Variants in LRP1B observed in about 807,000 individuals in gnomAD.
The protein encoded by LRP1B is LDL receptor related protein 1B.
A neutral mutation model predicts 556.6 loss-of-function variants in LRP1B; 217 were observed. The observed-to-expected ratio is 0.39, with a 90% CI of 0.35 to 0.44. The LOEUF is 0.44. LRP1B is among the 20% of genes least tolerant of loss of function. The pLI, the probability that LRP1B is intolerant of heterozygous loss-of-function variation, is 1.00. For missense variants in LRP1B, 5,053 were observed against 5,620.8 expected (o/e 0.90, Z 3.23); for synonymous variants, 2,047 against 1,865.8 (o/e 1.10, Z -2.50).
chr2:140,362,756 T>A (rs1558830019), intron 72 of LRP1B, among the ~76,000 whole-genome samples: 1 of 151,754 alleles, frequency 6.6e-6, no homozygotes, highest in Non-Finnish European at 1.5e-5. Context: ...TTTCTCATAC[T>A]CTATGATTGA....
chr2:140,298,559 T>G (rs945520326), intron 83 of LRP1B, among the ~76,000 whole-genome samples: 1 of 152,190 alleles, frequency 6.6e-6, no homozygotes, highest in Non-Finnish European at 1.5e-5. Context: ...TAATTTTGTC[T>G]AATTTTGATA....
Position 140,614,352 on chromosome 2 carries a change from T to C in LRP1B, c.6800-12713A>G, listed in dbSNP as rs189607357. Among the ~76,000 whole-genome samples, 4 of 152,182 alleles carry C rather than the reference T, an allele frequency of 2.6e-5. No homozygotes were observed. In the South Asian group the frequency reaches 6.2e-4, roughly 24 times the overall value. The stretch of plus-strand genomic sequence containing the variant: ...AGAATATGATTTCAGAGATTTAAGG[T>C]TTAAGATTGTTTATTAACTTTACTG... On this transcript the variant is annotated intron_variant, in intron 41 of 90. Transcript: ENST00000389484.
At chr2:140,935,899 T>C (rs974468911) in intron 20 of LRP1B, among the ~76,000 whole-genome samples, 1 of 151,826 alleles carries the variant, frequency 6.6e-6, no homozygotes, top group African/African-American at 2.4e-5. Context: ...CACACACATA[T>C]ATATGTATAT....
At chr2:141,481,379 T>C (rs549041061) in intron 2 of LRP1B, among the ~76,000 whole-genome samples, 14 of 152,312 alleles carry the variant, frequency 9.2e-5, no homozygotes, top group African/African-American at 3.4e-4. Flanking sequence ...TTCTTAGTCT[T>C]ATCCAGCTCT....
At chr2:140,558,722 T>A (rs1342803598) in intron 43 of LRP1B, among the ~76,000 whole-genome samples, 1 of 151,932 alleles carries the variant, frequency 6.6e-6, no homozygotes, top group Non-Finnish European at 1.5e-5. Flanking sequence ...GGGGATCACT[T>A]GAGCCCAAGA....
chr2:141,204,553 C>T (rs1682187656), intron 6 of LRP1B, among the ~76,000 whole-genome samples: 1 of 151,912 alleles, frequency 6.6e-6, no homozygotes, highest in Non-Finnish European at 1.5e-5. Flanking sequence ...GATGTGTATA[C>T]CAAGAAAGAA....
At chr2:140,481,610 T>TATTATTATC (rs1553472257) in intron 59 of LRP1B, among the ~76,000 whole-genome samples, 1,917 of 147,702 alleles carry the variant, frequency 0.013, 17 homozygotes, top group African/African-American at 0.015. Context: ...TTATTATTAT[T>TATTATTATC]ATTATTATTA....
In LRP1B at chr2:140,536,657, C is replaced by A. The variant is rs768282543; in HGVS notation, c.7566G>T (p.Glu2522Asp). Residue 2522 changes from glutamate to aspartate, a missense_variant, in exon 46 of 91, where the codon GAG (glutamate) becomes GAT (aspartate). By Grantham distance (45) the Glu-to-Asp change is conservative. Around this residue, in one of 5 missense-constraint regions of LRP1B, gnomAD observed 3,619 missense variants for 3,931.9 expected, o/e 0.92. Transcript: ENST00000389484. Reference sequence around the variant, plus strand: ...CACAGGTGAGCTGGTAGTCAATGCACTCACCATTTCCACATTCAAACTCCG... The same window carrying A: ...CACAGGTGAGCTGGTAGTCAATGCAATCACCATTTCCACATTCAAACTCCG... ...AYSEFECGNG[E>D]CIDYQLTCDG... 14 of 1,610,504 alleles carry A rather than the reference C, an allele frequency of 8.7e-6. No individual in the cohort carries two copies. The highest frequency in any genetic ancestry group is 1.2e-5 in the Non-Finnish European group (14 of 1,178,498).
At chr2:141,493,493 T>C (rs138386988) in intron 2 of LRP1B, among the ~76,000 whole-genome samples, 19 of 152,270 alleles carry the variant, frequency 1.2e-4, no homozygotes, top group African/African-American at 3.4e-4. Flanking sequence ...CAGCCATAAA[T>C]AGGCAACTTG....
intron 25 of LRP1B, among the ~76,000 whole-genome samples, chr2:140,869,018 A>G (rs1397725689): frequency 6.6e-6 from 1 of 151,988 alleles, no homozygotes; most frequent in African/African-American, 2.4e-5. Flanking sequence ...CAGAGTAAGA[A>G]CTTCCATCCA....
At chr2:141,733,594 T>C (rs777781213) in intron 2 of LRP1B, among the ~76,000 whole-genome samples, 4 of 152,154 alleles carry the variant, frequency 2.6e-5, no homozygotes, top group Non-Finnish European at 2.9e-5. Context: ...TTAAATTGCT[T>C]AGCTGGGCTC....
chr2:140,327,136 A>ATGAAAACATTC (rs1297198464), intron 79 of LRP1B, among the ~76,000 whole-genome samples: 1 of 152,096 alleles, frequency 6.6e-6, no homozygotes, highest in Non-Finnish European at 1.5e-5. Flanking sequence ...AGTGTTCCCA[A>ATGAAAACATTC]TGAAAACATT....
intron 86 of LRP1B, among the ~76,000 whole-genome samples, chr2:140,260,536 C>G (rs77324282): frequency 6.6e-6 from 1 of 151,478 alleles, no homozygotes; most frequent in Non-Finnish European, 1.5e-5. Context: ...TATGTATATG[C>G]GTGCATATAT....
At chr2:142,110,240 C>A (rs1383269531) in intron 1 of LRP1B, among the ~76,000 whole-genome samples, 1 of 151,964 alleles carries the variant, frequency 6.6e-6, no homozygotes, top group Admixed American at 6.6e-5. Flanking sequence ...ATAGATGGTC[C>A]TTTTCTCCAT....
At position 141,849,283 on chromosome 2, in the gene LRP1B, T is replaced by C. The variant is rs866082438; in HGVS notation, c.83-38882A>G. 1.2e-4 allele frequency among the ~76,000 whole-genome samples: 18 copies of C among 151,808 alleles called. 1 individual carries two copies. Among genetic ancestry groups the C allele is most frequent in the Middle Eastern group, 3.4e-3 (1 of 294 alleles). On this transcript the variant is annotated intron_variant, in intron 1 of 90. Coordinates refer to ENST00000389484, the MANE Select transcript of LRP1B (RefSeq NM_018557.3). ...TTGTCTACAAATAATGAAAATTTTG[T>C]CTCTTCATAATCATTTCATGTCTTG... is the stretch of plus-strand genomic sequence containing the variant.
chr2:140,795,287 C>T (rs1690264193), intron 32 of LRP1B, among the ~76,000 whole-genome samples: 1 of 152,184 alleles, frequency 6.6e-6, no homozygotes. Flanking sequence ...GTCAACTCAG[C>T]ACAAAATAAT....
intron 1 of LRP1B, among the ~76,000 whole-genome samples, chr2:141,940,232 T>C (rs1700756657): frequency 1.3e-5 from 2 of 152,166 alleles, no homozygotes; most frequent in Admixed American, 1.3e-4. Flanking sequence ...TTTTAAAATA[T>C]CTTGAATATT....
chr2:141,690,027 C>T (rs1691458393), intron 2 of LRP1B, among the ~76,000 whole-genome samples: 1 of 151,586 alleles, frequency 6.6e-6, no homozygotes, highest in Non-Finnish European at 1.5e-5. Flanking sequence ...ACAAGGTAAA[C>T]ATAGTAATGC....
chr2:140,720,544 T>C (rs1310187723), intron 35 of LRP1B, among the ~76,000 whole-genome samples: 2 of 152,100 alleles, frequency 1.3e-5, no homozygotes, highest in Non-Finnish European at 2.9e-5. Flanking sequence ...GAAAGACCTT[T>C]TGACAATGAG....
Sources: gnomAD v4.1 joint callset for allele counts (sites outside exome capture counted in the v4.1 genomes callset) on GRCh38, gnomAD v4.1.1 for gene constraint, gnomAD v4.1.1 regional missense constraint, MANE v1.5 for transcripts, NCBI Gene and HGNC (gene_info 2026-07-23, HGNC 2026-07-21) for gene names.